Variants in UQCRC2 observed in about 807,000 individuals in gnomAD.
UQCRC2 encodes the protein ubiquinol-cytochrome c reductase core protein 2.
In UQCRC2, 49 loss-of-function variants were observed where a neutral mutation model predicts 55.6. That is an observed-to-expected ratio of 0.88 (90% CI 0.70 to 1.12). The LOEUF is 1.12. UQCRC2 is among the 50% of genes most tolerant of loss of function. UQCRC2 has a pLI of 0.00. For synonymous variants in UQCRC2, 193 were observed against 192.0 expected (o/e 1.01, Z -0.04); for missense variants, 506 against 547.8 (o/e 0.92, Z 0.76).
chr16:21,953,377 C>T lies in UQCRC2; in HGVS notation c.-47C>T, dbSNP rs777017143. The T allele has an allele frequency of 4.4e-6, 7 of 1,607,114 alleles. No homozygotes were observed. The highest frequency in any genetic ancestry group is 3.4e-6 in the Non-Finnish European group (4 of 1,177,026). ...ACTCCCGGCCTCCGCCACCATCTTG[C>T]TTTCCTTTAATCCGGCAGTGACCGT... On this transcript the variant is annotated 5_prime_UTR_variant, in exon 1 of 14. Transcript: ENST00000268379.
At chr16:21,978,594 C>T (rs1201771974) in intron 12 of UQCRC2, among the ~76,000 whole-genome samples, 10 of 152,162 alleles carry the variant, frequency 6.6e-5, no homozygotes, top group Admixed American at 2.0e-4. Flanking sequence ...TAATCAAAAC[C>T]TTACATTAAA....
At chr16:21,958,453 C>A in intron 3 of UQCRC2, 82 bp from the exon 4 acceptor site, 2 of 1,219,848 alleles carry the variant, frequency 1.6e-6, no homozygotes, top group Non-Finnish European at 2.4e-6. Flanking sequence ...TAAATCTGCT[C>A]ACAACAGATT....
chr16:21,961,626 TTATATATATATA>T (rs67999727), intron 4 of UQCRC2, among the ~76,000 whole-genome samples: 2,461 of 64,424 alleles, frequency 0.038, 137 homozygotes, highest in Middle Eastern at 0.12. Context: ...AACATAAAAT[TTATATATATATA>T]TATATATATA....
intron 1 of UQCRC2, among the ~76,000 whole-genome samples, chr16:21,954,373 A>G (rs1898057888): frequency 6.6e-6 from 1 of 152,228 alleles, no homozygotes; most frequent in Non-Finnish European, 1.5e-5. Flanking sequence ...AGACCTGGGC[A>G]TGGAATGTTC....
Position 21,974,030 on chromosome 16 carries a change from G to A in UQCRC2, c.1047+54G>A, listed in dbSNP as rs187214369. The stretch of plus-strand genomic sequence containing the variant: ...CATGAACAAGTTATTTCTCCCCCCC[G>A]CCATAAACATGTTTTCGGTTAAAAT... On this transcript the variant is annotated intron_variant, in intron 11 of 13. Transcript: ENST00000268379. The A allele has an allele frequency of 7.9e-5, 115 of 1,460,258 alleles. 1 individual carries two copies. The highest frequency in any genetic ancestry group is 1.3e-4 in the Admixed American group (6 of 47,120). The allele number at this position is 1,460,258 out of a possible 1,614,324, so 90.5% of individuals were successfully genotyped here. A position where few individuals can be genotyped will look rare whatever the true frequency, so the allele number is the denominator to read the frequency against.
intron 11 of UQCRC2, among the ~76,000 whole-genome samples, chr16:21,974,302 G>A (rs1426161350): frequency 6.6e-6 from 1 of 152,050 alleles, no homozygotes; most frequent in East Asian, 1.9e-4. Flanking sequence ...TCAGTGTAGA[G>A]ATTGTGTTGA....
chr16:21,971,917 C>A lies in UQCRC2; in HGVS notation c.767-6C>A, dbSNP rs141273613. ...CTTCTTCCCTCTATCCTTAATCTGG[C>A]CCCAGGTGAAATCCGAGAACAGAAT... On this transcript the variant is annotated splice_region_variant and splice_polypyrimidine_tract_variant and intron_variant, in intron 9 of 13. Transcript: ENST00000268379. 1 of 1,613,602 alleles carries A rather than the reference C, an allele frequency of 6.2e-7. No homozygotes were observed. Among genetic ancestry groups the A allele is most frequent in the Non-Finnish European group, 8.5e-7 (1 of 1,180,020 alleles).
chr16:21,965,141 G>T (rs1898294869), intron 6 of UQCRC2, among the ~76,000 whole-genome samples: 1 of 152,208 alleles, frequency 6.6e-6, no homozygotes, highest in African/African-American at 2.4e-5. Flanking sequence ...AGTGATACCA[G>T]CTAGGTTAAA....
rs146066809 is a variant in UQCRC2 at position 21,974,098 on chromosome 16, T to C, written c.1047+122T>C. The C allele has an allele frequency of 1.4e-3, 1,139 of 797,582 alleles. 4 individuals are homozygous for C. Among genetic ancestry groups the C allele is most frequent in the South Asian group, 9.3e-3 (498 of 53,736 alleles). 49.4% of individuals were successfully genotyped at this position (797,582 alleles called of 1,614,324 possible). Reference sequence around the variant, plus strand: ...AGTGCAATGACTTATCAGAGCTCTGTATAGTATGATGTCATTGAAGCATTA... The same window carrying C: ...AGTGCAATGACTTATCAGAGCTCTGCATAGTATGATGTCATTGAAGCATTA... On this transcript the variant is annotated intron_variant, in intron 11 of 13. Coordinates refer to ENST00000268379, the MANE Select transcript of UQCRC2 (RefSeq NM_003366.4).
intron 8 of UQCRC2, among the ~76,000 whole-genome samples, chr16:21,970,711 G>A (rs766741704): frequency 1.4e-4 from 21 of 152,014 alleles, no homozygotes; most frequent in African/African-American, 4.6e-4. Flanking sequence ...TCAGCCTCCC[G>A]AGTAGCTGGG....
At chr16:21,961,656 A>ATATATATT (rs2072900593) in intron 4 of UQCRC2, among the ~76,000 whole-genome samples, 1 of 80,932 alleles carries the variant, frequency 1.2e-5, no homozygotes, top group Non-Finnish European at 2.2e-5. Context: ...ATATATATAT[A>ATATATATT]TATATATATA....
intron 1 of UQCRC2, among the ~76,000 whole-genome samples, chr16:21,956,929 C>T (rs1898095052): frequency 6.6e-6 from 1 of 152,028 alleles, no homozygotes; most frequent in Non-Finnish European, 1.5e-5. Flanking sequence ...ACTAGCTGGA[C>T]ATGGTGGCAC....
rs776939980 is a variant in UQCRC2, at chr16:21,980,539, T to C, written c.1125-8T>C. On this transcript the variant is annotated splice_polypyrimidine_tract_variant and splice_region_variant and intron_variant, in intron 12 of 13. Transcript: ENST00000268379. ...CTCTAAAACTGACTTCTGCCTTTTATTGGACAGGAACAAGCTGAAAGCTGG... is the reference window on the plus strand; with the variant it reads ...CTCTAAAACTGACTTCTGCCTTTTACTGGACAGGAACAAGCTGAAAGCTGG... 3.1e-6 allele frequency: 5 copies of C among 1,609,142 alleles called. No individual in the cohort carries two copies. The highest frequency in any genetic ancestry group is 1.7e-5 in the Admixed American group (1 of 58,938).
intron 4 of UQCRC2, among the ~76,000 whole-genome samples, chr16:21,961,119 C>T (rs981354822): frequency 6.6e-6 from 1 of 152,180 alleles, no homozygotes; most frequent in African/African-American, 2.4e-5. Context: ...TGAGCCACTG[C>T]ACCCAGCCCA....
rs1327299741 is a variant in UQCRC2 at position 21,972,069 on chromosome 16, A to G, written c.913A>G (p.Thr305Ala). ...AGPHVKRGSNTTSHLHQAVAK... is the reference protein window; with the variant it reads ...AGPHVKRGSNATSHLHQAVAK... ...GCCACATGTCAAGAGGGGCAGCAAC[A>G]CCACCAGCCATCTGCACCAGGCTGT... Residue 305 changes from threonine to alanine, a missense_variant, in exon 10 of 14, where the codon ACC (threonine) becomes GCC (alanine). Coordinates refer to ENST00000268379, the MANE Select transcript of UQCRC2 (RefSeq NM_003366.4). The G allele has an allele frequency of 3.7e-6, 6 of 1,614,070 alleles. No homozygotes were observed. The South Asian group carries it at 6.6e-5, about 18-fold the overall frequency.
intron 6 of UQCRC2, among the ~76,000 whole-genome samples, chr16:21,964,836 A>G (rs968745176): frequency 2.6e-5 from 4 of 152,216 alleles, no homozygotes; most frequent in Admixed American, 6.5e-5. Context: ...CACCTAGCAC[A>G]GTGCCTCGCA....
rs1284745325 is a variant in UQCRC2 at position 21,983,161 on chromosome 16, A to T, written c.1352A>T (p.Asp451Val). The change falls in exon 14 of 14, where the codon GAT (aspartate) becomes GTT (valine). Residue 451 changes from aspartate (D) to valine (V), a missense_variant. By Grantham distance (152) the Asp-to-Val change is radical (BLOSUM62 -3). Transcript: ENST00000268379. ...SGNLGHTPFV[D>V]EL is the part of the protein sequence containing the mutation. ...AATTTGGGACATACACCTTTTGTTG[A>T]TGAGTTGTAATACTGATGCACACAT... is the stretch of plus-strand genomic sequence containing the variant. The T allele has an allele frequency of 6.2e-7, 1 of 1,613,992 alleles. No homozygotes were observed. Among genetic ancestry groups the T allele is most frequent in the South Asian group, 1.1e-5 (1 of 91,064 alleles).
chr16:21,953,683 G>C (rs907889407), intron 1 of UQCRC2, among the ~76,000 whole-genome samples: 1 of 152,172 alleles, frequency 6.6e-6, no homozygotes, highest in Non-Finnish European at 1.5e-5. Context: ...GGGGCAGGAC[G>C]TGAGAGCGGA....
intron 9 of UQCRC2, 127 bp downstream of exon 9, chr16:21,971,747 G>A (rs1362982414): frequency 1.1e-5 from 15 of 1,318,144 alleles, no homozygotes; most frequent in Non-Finnish European, 1.6e-5. Context: ...GGATGGCTTG[G>A]GTGTTGTATT....
Sources: gnomAD v4.1 joint callset for allele counts (sites outside exome capture counted in the v4.1 genomes callset) on GRCh38, gnomAD v4.1.1 for gene constraint, MANE v1.5 for transcripts, NCBI Gene and HGNC (gene_info 2026-07-23, HGNC 2026-07-21) for gene names.